Variants in HMCN1 observed in about 807,000 individuals in gnomAD.
The protein encoded by HMCN1 is hemicentin-1.
Under a neutral mutation model 625.9 loss-of-function variants are expected in HMCN1, and 321 were observed. The observed-to-expected ratio is 0.51, with a 90% CI of 0.47 to 0.56. The LOEUF is 0.56. HMCN1 is among the 20% of genes least tolerant of loss of function. The pLI, the probability that HMCN1 is intolerant of heterozygous loss-of-function variation, is 0.00. For missense variants in HMCN1, 6,588 were observed against 6,887.3 expected (o/e 0.96, Z 1.54); for synonymous variants, 2,425 against 2,417.6 (o/e 1.00, Z -0.09).
intron 97 of HMCN1, among the ~76,000 whole-genome samples, chr1:186,161,023 TAA>T (rs1267798608): frequency 6.6e-6 from 1 of 152,220 alleles, no homozygotes; most frequent in Non-Finnish European, 1.5e-5. Context: ...CAGGGGGTGT[TAA>T]AGTCTCCCAT....
intron 30 of HMCN1, among the ~76,000 whole-genome samples, chr1:186,012,556 A>G (rs1436212684): frequency 6.6e-6 from 1 of 152,018 alleles, no homozygotes; most frequent in Non-Finnish European, 1.5e-5. Flanking sequence ...AGTGTTCTCA[A>G]CTCTTCAAGC....
At chr1:186,162,703 C>CA (rs1651586142) in intron 97 of HMCN1, among the ~76,000 whole-genome samples, 1 of 152,218 alleles carries the variant, frequency 6.6e-6, no homozygotes, top group African/African-American at 2.4e-5. Context: ...GCCTGGGTAT[C>CA]AGCAGAGGTG....
chr1:186,057,735 A>G (rs1046257051), intron 46 of HMCN1, among the ~76,000 whole-genome samples: 4 of 152,170 alleles, frequency 2.6e-5, no homozygotes, highest in Admixed American at 1.3e-4. Flanking sequence ...TTCAAATTCT[A>G]CAGTGAATCC....
At chr1:186,100,298 A>G (rs988464604) in intron 68 of HMCN1, among the ~76,000 whole-genome samples, 4 of 152,146 alleles carry the variant, frequency 2.6e-5, no homozygotes, top group African/African-American at 9.7e-5. Flanking sequence ...GTTGAAAATT[A>G]ATTCCATTAA....
At chr1:185,873,586 G>A (rs1205816519) in intron 4 of HMCN1, among the ~76,000 whole-genome samples, 1 of 151,942 alleles carries the variant, frequency 6.6e-6, no homozygotes, top group Non-Finnish European at 1.5e-5. Context: ...CAACAATTTG[G>A]ATATTTCCTT....
chr1:185,890,656 T>G (rs1262323319), intron 4 of HMCN1, among the ~76,000 whole-genome samples: 1 of 107,756 alleles, frequency 9.3e-6, no homozygotes, highest in East Asian at 2.4e-4. Flanking sequence ...TCTAGTTTGA[T>G]TGCACTGTGG....
intron 25 of HMCN1, among the ~76,000 whole-genome samples, chr1:185,999,014 T>C (rs910535513): frequency 2.6e-5 from 4 of 152,050 alleles, no homozygotes; most frequent in Non-Finnish European, 5.9e-5. Flanking sequence ...CACAATTAAA[T>C]AGGTCAATCT....
intron 24 of HMCN1, among the ~76,000 whole-genome samples, chr1:185,995,747 A>C (rs934120533): frequency 1.1e-4 from 16 of 152,158 alleles, no homozygotes; most frequent in South Asian, 2.1e-4. Context: ...TTAGACTATC[A>C]AGCAGGACTT....
In HMCN1 at chr1:185,953,330, C is replaced by T. The variant is rs538753622; in HGVS notation, c.1829-9188C>T. ...GCTAAGGGTGAAGGACCAAGGCAGG[C>T]GTCCCTGCATGGTCTGACACCCTTG... On this transcript the variant is annotated intron_variant, in intron 11 of 106. Coordinates refer to ENST00000271588, the MANE Select transcript of HMCN1 (RefSeq NM_031935.3). Among the ~76,000 whole-genome samples, 269 of 151,938 alleles carry T rather than the reference C, an allele frequency of 1.8e-3. 7 individuals are homozygous for T. The highest frequency in any genetic ancestry group is 6.4e-3 in the African/African-American group (265 of 41,280).
intron 17 of HMCN1, among the ~76,000 whole-genome samples, chr1:185,981,488 A>G (rs1346361786): frequency 1.3e-5 from 2 of 152,134 alleles, no homozygotes; most frequent in African/African-American, 4.8e-5. Flanking sequence ...CTATTATTGA[A>G]TATTCTCTTC....
In HMCN1 at chr1:186,001,700, T is replaced by A; in HGVS notation, c.4307T>A (p.Ile1436Asn). 6.2e-7 allele frequency: 1 copy of A among 1,612,720 alleles called. No homozygotes were observed. Among genetic ancestry groups the A allele is most frequent in the East Asian group, 2.2e-5 (1 of 44,808 alleles). ...AGRYSCKAIN[I>N]AGTSQKYFNI... ...AGATATTCCTGCAAAGCAATTAATATTGCAGGCACTTCTCAGAAGTACTTT... is the reference window on the plus strand; with the variant it reads ...AGATATTCCTGCAAAGCAATTAATAATGCAGGCACTTCTCAGAAGTACTTT... Residue 1436 changes from isoleucine to asparagine, a missense_variant, in exon 28 of 107, where the codon ATT (isoleucine) becomes AAT (asparagine). Transcript: ENST00000271588.
intron 97 of HMCN1, among the ~76,000 whole-genome samples, chr1:186,162,744 G>C (rs1308032878): frequency 6.6e-6 from 1 of 152,172 alleles, no homozygotes; most frequent in African/African-American, 2.4e-5. Flanking sequence ...CGTGAACCAC[G>C]AATGCTGCTG....
In HMCN1 at chr1:186,048,837, G is replaced by C; in HGVS notation, c.6575G>C (p.Trp2192Ser). ...KTEKNYNVNI[W>S]VPPNIGGSDE... ...GAAAAAAACTACAATGTCAACATTT[G>C]GGGTAAGTGTAATCAGCTCTTGAAA... Residue 2192 changes from tryptophan (W) to serine (S), a missense_variant and splice_region_variant, in exon 42 of 107, where the codon TGG becomes TCG. By Grantham distance (177) the Trp-to-Ser change is radical (BLOSUM62 -3). Transcript: ENST00000271588. The C allele has an allele frequency of 6.3e-7, 1 of 1,595,378 alleles. No homozygotes were observed. The highest frequency in any genetic ancestry group is 1.3e-5 in the African/African-American group (1 of 74,588).
At chr1:185,890,074 C>G (rs1664955615) in intron 4 of HMCN1, among the ~76,000 whole-genome samples, 1 of 151,788 alleles carries the variant, frequency 6.6e-6, no homozygotes, top group South Asian at 2.1e-4. Context: ...TCCATTTCTT[C>G]TAGATTTTCT....
chr1:186,136,211 A>G (rs1649596914), intron 86 of HMCN1, among the ~76,000 whole-genome samples: 1 of 152,210 alleles, frequency 6.6e-6, no homozygotes, highest in South Asian at 2.1e-4. Flanking sequence ...CTTTACCTCA[A>G]AAATGATCAA....
intron 35 of HMCN1, among the ~76,000 whole-genome samples, chr1:186,021,248 C>T (rs148987972): frequency 2.8e-4 from 43 of 152,108 alleles, no homozygotes; most frequent in African/African-American, 1.0e-3. Flanking sequence ...AGGATTCCAA[C>T]GTACACAACT....
chr1:186,001,919 A>G (rs893559199), intron 28 of HMCN1, among the ~76,000 whole-genome samples, 178 bp downstream of exon 28: 1 of 152,102 alleles, frequency 6.6e-6, no homozygotes, highest in Non-Finnish European at 1.5e-5. Flanking sequence ...GAAATTTTAA[A>G]GGGTTTCATT....
intron 97 of HMCN1, among the ~76,000 whole-genome samples, chr1:186,161,238 G>A (rs1249602499): frequency 6.6e-6 from 1 of 151,256 alleles, no homozygotes; most frequent in Non-Finnish European, 1.5e-5. Flanking sequence ...GACTAGGATT[G>A]CAACCCCTGC....
At chr1:185,837,670 A>G (rs1382106007) in intron 1 of HMCN1, among the ~76,000 whole-genome samples, 2 of 151,972 alleles carry the variant, frequency 1.3e-5, no homozygotes, top group Non-Finnish European at 2.9e-5. Flanking sequence ...TTCTCTCTTC[A>G]TTAAGAAAAA....
Sources: allele counts gnomAD v4.1 joint callset (sites outside exome capture counted in the v4.1 genomes callset), GRCh38; gene constraint gnomAD v4.1.1; transcripts MANE v1.5; gene names NCBI Gene and HGNC (gene_info 2026-07-23, HGNC 2026-07-21).